The following BRCA2 variants were observed in gnomAD, a reference collection of about 807,000 sequenced individuals.
BRCA2 encodes the protein breast cancer type 2 susceptibility protein.
A neutral mutation model predicts 276.7 loss-of-function variants in BRCA2; 203 were observed. That is an observed-to-expected ratio of 0.73 (90% CI 0.65 to 0.82). BRCA2 has a LOEUF of 0.82. BRCA2 is among the 40% of genes least tolerant of loss of function. The pLI is 0.00. For missense variants in BRCA2, 3,920 were observed against 3,915.0 expected, an observed-to-expected ratio of 1.00 and a Z score of -0.03; for synonymous variants, 1,289 against 1,338.4, an observed-to-expected ratio of 0.96 and a Z score of 0.81.
At chr13:32,387,505 T>A (rs1475293045) in intron 24 of BRCA2, among the ~76,000 whole-genome samples, 1 of 152,148 alleles carries the variant, frequency 6.6e-6, no homozygotes, top group Non-Finnish European at 1.5e-5. Context: ...ACCCGTTACT[T>A]AGCAGACCGC....
chr13:32,316,300 G>A (rs2072258290), intron 1 of BRCA2, 122 bp from the exon 2 acceptor site: 3 of 709,742 alleles, frequency 4.2e-6, no homozygotes, highest in South Asian at 1.6e-5. Flanking sequence ...AGCTGTTACC[G>A]TTCCAGGAGA....
intron 11 of BRCA2, among the ~76,000 whole-genome samples, chr13:32,342,480 A>G (rs2072579431): frequency 6.6e-6 from 1 of 152,204 alleles, no homozygotes; most frequent in Non-Finnish European, 1.5e-5. Context: ...CTAACAACTT[A>G]GTTCAACTAC....
intron 12 of BRCA2, among the ~76,000 whole-genome samples, chr13:32,344,946 C>T (rs1360997094): frequency 6.6e-6 from 1 of 152,078 alleles, no homozygotes; most frequent in Non-Finnish European, 1.5e-5. Context: ...CTGAGTTATG[C>T]GGATCTTCCG....
chr13:32,372,252 C>T (rs1034601178), intron 20 of BRCA2, among the ~76,000 whole-genome samples: 3 of 152,192 alleles, frequency 2.0e-5, no homozygotes, highest in African/African-American at 7.2e-5. Flanking sequence ...ACAATATTCA[C>T]AGCACCTTCG....
intron 24 of BRCA2, among the ~76,000 whole-genome samples, chr13:32,392,480 G>A (rs2073003434): frequency 6.6e-6 from 1 of 151,882 alleles, no homozygotes; most frequent in Non-Finnish European, 1.5e-5. Context: ...GAGGCCAGGA[G>A]TTCAAGACCA....
Position 32,394,525 on chromosome 13 carries a change from G to C in BRCA2, c.9257-164G>C, listed in dbSNP as rs368085787. ...GAAATTTTAGCACTGTAAGCAACAG[G>C]TCATTTTGGAAAACCTGAGCTTTCG... On this transcript the variant is annotated intron_variant, in intron 24 of 26. Coordinates refer to ENST00000380152, the MANE Select transcript of BRCA2 (RefSeq NM_000059.4). Among the ~76,000 whole-genome samples, 125 of 152,278 alleles carry C rather than the reference G, an allele frequency of 8.2e-4. 1 individual carries two copies. Among genetic ancestry groups the C allele is most frequent in the Middle Eastern group, 3.4e-3 (1 of 294 alleles).
Position 32,394,816 on chromosome 13 carries a change from A to G in BRCA2, c.9384A>G (p.Arg3128=). ...MLIAASNLQW[R]PESKSGLLTL... ...TTGCTGCAAGCAACCTCCAGTGGCGACCAGAATCCAAATCAGGCCTTCTTA... is the reference window on the plus strand; with the variant it reads ...TTGCTGCAAGCAACCTCCAGTGGCGGCCAGAATCCAAATCAGGCCTTCTTA... The change falls in exon 25 of 27, where the codon CGA becomes CGG. Residue 3128 remains arginine (R), a synonymous_variant. Transcript: ENST00000380152. The G allele has an allele frequency of 6.2e-7, 1 of 1,614,148 alleles. No individual in the cohort carries two copies. Among genetic ancestry groups the G allele is most frequent in the Non-Finnish European group, 8.5e-7 (1 of 1,180,008 alleles).
intron 16 of BRCA2, among the ~76,000 whole-genome samples, chr13:32,360,113 T>G (rs1441909538): frequency 6.6e-6 from 1 of 152,150 alleles, no homozygotes; most frequent in Non-Finnish European, 1.5e-5. Context: ...CAGCTACATT[T>G]GATAAATGAC....
chr13:32,381,195 CTG>C (rs1451169726), intron 24 of BRCA2, among the ~76,000 whole-genome samples: 2 of 152,078 alleles, frequency 1.3e-5, no homozygotes, highest in African/African-American at 4.8e-5. Context: ...TATTTAATGA[CTG>C]TTATGTGCTA....
At chr13:32,393,070 G>T (rs2073008435) in intron 24 of BRCA2, among the ~76,000 whole-genome samples, 1 of 152,230 alleles carries the variant, frequency 6.6e-6, no homozygotes, top group Non-Finnish European at 1.5e-5. Flanking sequence ...CTGAAGTGAT[G>T]ATGTGTCTTT....
chr13:32,396,989 G>C lies in BRCA2; in HGVS notation c.9593G>C (p.Cys3198Ser), dbSNP rs587782435. 6.2e-7 allele frequency: 1 copy of C among 1,614,054 alleles called. No individual in the cohort carries two copies. Among genetic ancestry groups the C allele is most frequent in the Non-Finnish European group, 8.5e-7 (1 of 1,179,962 alleles). The change falls in exon 26 of 27, where the codon TGT becomes TCT. Residue 3198 changes from cysteine (C) to serine (S), a missense_variant. Transcript: ENST00000380152. ...AAGTGGTCCACCCCAACTAAAGACTGTACTTCAGGGCCGTACACTGCTCAA... is the reference window on the plus strand; with the variant it reads ...AAGTGGTCCACCCCAACTAAAGACTCTACTTCAGGGCCGTACACTGCTCAA... ...DPKWSTPTKD[C>S]TSGPYTAQII... is the part of the protein sequence containing the mutation.
chr13:32,347,242 A>G (rs1439796257), intron 13 of BRCA2, among the ~76,000 whole-genome samples: 1 of 152,164 alleles, frequency 6.6e-6, no homozygotes, highest in Non-Finnish European at 1.5e-5. Context: ...TTAAAAAAGT[A>G]CTAAGATAGT....
chr13:32,370,310 C>A (rs2072817715), intron 18 of BRCA2, 92 bp from the exon 19 acceptor site: 2 of 1,243,072 alleles, frequency 1.6e-6, no homozygotes, highest in South Asian at 1.3e-5. Flanking sequence ...ATTTTTAAGG[C>A]AGTTCTAGAA....
intron 15 of BRCA2, 37 bp from the exon 16 acceptor site, chr13:32,357,705 A>G (rs1234430338): frequency 6.3e-7 from 1 of 1,586,566 alleles, no homozygotes; most frequent in Admixed American, 1.7e-5. Context: ...TTTACTTTAA[A>G]TTGTTTTTCT....
In BRCA2 at chr13:32,394,833, G is replaced by C. The variant is rs80359215; in HGVS notation, c.9401G>C (p.Gly3134Ala). ...NLQWRPESKS[G>A]LLTLFAGDFS... Reference sequence around the variant, plus strand: ...CAGTGGCGACCAGAATCCAAATCAGGCCTTCTTACTTTATTTGCTGGAGAT... The same window carrying C: ...CAGTGGCGACCAGAATCCAAATCAGCCCTTCTTACTTTATTTGCTGGAGAT... The change falls in exon 25 of 27, where the codon GGC (glycine) becomes GCC (alanine). Residue 3134 changes from glycine (G) to alanine (A), a missense_variant. Gly to Ala is a moderately conservative substitution (Grantham distance 60, BLOSUM62 0). Around this residue, in one of 2 missense-constraint regions of BRCA2, gnomAD observed 657 missense variants for 758.2 expected, o/e 0.87. Transcript: ENST00000380152. 6.2e-7 allele frequency: 1 copy of C among 1,614,022 alleles called. No individual in the cohort carries two copies. Among genetic ancestry groups the C allele is most frequent in the Non-Finnish European group, 8.5e-7 (1 of 1,179,976 alleles).
rs780458959 is a variant in BRCA2 at position 32,338,482 on chromosome 13, G to T, written c.4127G>T (p.Gly1376Val). Reference sequence around the variant, plus strand: ...TTATCTGGCCAGTTTATGAAGGAGGGAAACACTCAGATTAAAGAAGATTTG... The same window carrying T: ...TTATCTGGCCAGTTTATGAAGGAGGTAAACACTCAGATTAAAGAAGATTTG... The part of the protein sequence containing the change: ...LKLSGQFMKE[G>V]NTQIKEDLSD... Residue 1376 changes from glycine (G) to valine (V), a missense_variant, in exon 11 of 27, where the codon GGA becomes GTA. Gly to Val is a moderately radical substitution (Grantham distance 109). Around this residue, in one of 2 missense-constraint regions of BRCA2, gnomAD observed 3,263 missense variants for 3,156.9 expected, o/e 1.03. Transcript: ENST00000380152. The T allele has an allele frequency of 3.1e-6, 5 of 1,601,652 alleles. No individual in the cohort carries two copies. The Admixed American group carries it at 8.5e-5, about 27-fold the overall frequency.
rs1566230812 is a variant in BRCA2, at chr13:32,338,967, T to C, written c.4612T>C (p.Ser1538Pro). Residue 1538 changes from serine (S) to proline (P), a missense_variant, in exon 11 of 27, where the codon TCT becomes CCT. Ser to Pro is a moderately conservative substitution (Grantham distance 74). Transcript: ENST00000380152. ...GAAAAAAGTTAAAATTGCAAAGGAA[T>C]CTTTGGACAAAGTGAAAAACCTTTT... The part of the protein sequence containing the change: ...SGKKVKIAKE[S>P]LDKVKNLFDE... 6.2e-7 allele frequency: 1 copy of C among 1,613,772 alleles called. No individual in the cohort carries two copies. The highest frequency in any genetic ancestry group is 1.3e-5 in the African/African-American group (1 of 74,990).
intron 24 of BRCA2, among the ~76,000 whole-genome samples, chr13:32,392,413 C>T (rs1022506451): frequency 6.6e-6 from 1 of 152,070 alleles, no homozygotes; most frequent in Non-Finnish European, 1.5e-5. Context: ...TGGCTAGGCA[C>T]AGTGGCTCAT....
intron 14 of BRCA2, among the ~76,000 whole-genome samples, chr13:32,355,719 A>AT (rs1399591136): frequency 6.6e-6 from 1 of 151,712 alleles, no homozygotes; most frequent in Non-Finnish European, 1.5e-5. Flanking sequence ...AAATAAATAA[A>AT]TAAATAAATA....
Sources: allele counts gnomAD v4.1 joint callset (sites outside exome capture counted in the v4.1 genomes callset), GRCh38; gene constraint gnomAD v4.1.1; regional missense constraint gnomAD v4.1.1; transcripts MANE v1.5; gene names NCBI Gene and HGNC (gene_info 2026-07-23, HGNC 2026-07-21).